Variants in RABL3 observed in about 807,000 individuals in gnomAD.
The protein encoded by RABL3 is RAB, member of RAS oncogene family like 3, also known as rab-like protein 3.
RABL3 carries 31 observed loss-of-function variants against 31.8 expected under a neutral mutation model. The ratio of observed to expected loss-of-function variants is 0.97; its 90% CI spans 0.73 to 1.31. The LOEUF (loss-of-function observed/expected upper bound fraction) is 1.31. Ranked by LOEUF, RABL3 falls within the 40% of genes most tolerant of loss-of-function variation. The pLI is 0.00. For synonymous variants in RABL3, 97 were observed against 99.9 expected (o/e 0.97, Z 0.18); for missense variants, 263 against 279.6 (o/e 0.94, Z 0.42).
chr3:120,716,555 T>G (rs1708671871), intron 2 of RABL3, among the ~76,000 whole-genome samples: 1 of 151,924 alleles, frequency 6.6e-6, no homozygotes, highest in Non-Finnish European at 1.5e-5. Flanking sequence ...ACATGGCACA[T>G]GTATACATAT....
intron 2 of RABL3, among the ~76,000 whole-genome samples, chr3:120,728,589 T>C (rs1708848387): frequency 6.6e-6 from 1 of 152,072 alleles, no homozygotes; most frequent in Non-Finnish European, 1.5e-5. Context: ...CATTAGGAGA[T>C]ATACCTAATG....
intron 2 of RABL3, among the ~76,000 whole-genome samples, chr3:120,718,572 T>C (rs527910461): frequency 1.3e-5 from 2 of 152,350 alleles, no homozygotes; most frequent in African/African-American, 2.4e-5. Flanking sequence ...AAGAGAATCA[T>C]CAAGATGCTT....
At chr3:120,717,377 C>T (rs1265827871) in intron 2 of RABL3, among the ~76,000 whole-genome samples, 1 of 151,574 alleles carries the variant, frequency 6.6e-6, no homozygotes, top group Non-Finnish European at 1.5e-5. Flanking sequence ...TCCACAATAA[C>T]ACAATTCAGG....
intron 2 of RABL3, among the ~76,000 whole-genome samples, chr3:120,712,713 T>C (rs1213880814): frequency 6.6e-6 from 1 of 152,234 alleles, no homozygotes; most frequent in Non-Finnish European, 1.5e-5. Flanking sequence ...ATTCATCCTT[T>C]AGCCCTAGAA....
At chr3:120,692,916 T>C (rs546884675) in intron 6 of RABL3, among the ~76,000 whole-genome samples, 1 of 152,306 alleles carries the variant, frequency 6.6e-6, no homozygotes, top group South Asian at 2.1e-4. Context: ...CAGAATTTTG[T>C]ATTGATGGGG....
At chr3:120,728,795 G>C (rs185037680) in intron 2 of RABL3, among the ~76,000 whole-genome samples, 2 of 151,988 alleles carry the variant, frequency 1.3e-5, no homozygotes, top group East Asian at 3.9e-4. Flanking sequence ...TTGAGACAGA[G>C]AGAAAGAGTA....
chr3:120,716,755 A>T (rs1204667340), intron 2 of RABL3, among the ~76,000 whole-genome samples: 2 of 152,220 alleles, frequency 1.3e-5, no homozygotes, highest in Non-Finnish European at 2.9e-5. Context: ...TAACTGCAAT[A>T]TAAAAGCTGC....
chr3:120,701,273 G>A (rs1400357961), intron 4 of RABL3, among the ~76,000 whole-genome samples: 1 of 152,098 alleles, frequency 6.6e-6, no homozygotes, highest in African/African-American at 2.4e-5. Context: ...ATGTGGATAT[G>A]CCATTATTTA....
intron 2 of RABL3, among the ~76,000 whole-genome samples, chr3:120,723,675 TA>T (rs1281652846): frequency 1.3e-5 from 2 of 152,172 alleles, no homozygotes. Context: ...ATCCAGCATA[TA>T]AACAGAACCA....
chr3:120,700,867 T>C (rs1371963130), intron 4 of RABL3, among the ~76,000 whole-genome samples: 2 of 152,078 alleles, frequency 1.3e-5, no homozygotes, highest in African/African-American at 2.4e-5. Flanking sequence ...TATTTACATA[T>C]GTTTAAAATT....
At chr3:120,706,459 C>A (rs968728015) in intron 3 of RABL3, among the ~76,000 whole-genome samples, 6 of 151,946 alleles carry the variant, frequency 3.9e-5, no homozygotes, top group African/African-American at 1.4e-4. Flanking sequence ...ATCAAAACTA[C>A]TTCAAGTACA....
rs149911241 is a variant in RABL3, at chr3:120,719,853, G to A, written c.139-9944C>T. Among the ~76,000 whole-genome samples the A allele has an allele frequency of 4.2e-4, 64 of 152,100 alleles. No individual in the cohort carries two copies. The East Asian group carries it at 0.011, about 27-fold the overall frequency. ...AAGAGAGTAGTGGTTCTCCCAGCATGCAGCTTGAGATCTGAGAATGGACAG... is the reference window on the plus strand; with the variant it reads ...AAGAGAGTAGTGGTTCTCCCAGCATACAGCTTGAGATCTGAGAATGGACAG... On this transcript the variant is annotated intron_variant, in intron 2 of 7. Transcript: ENST00000273375.
At chr3:120,698,118 C>T (rs541273293) in intron 5 of RABL3, among the ~76,000 whole-genome samples, 5 of 152,160 alleles carry the variant, frequency 3.3e-5, no homozygotes, top group Admixed American at 6.5e-5. Context: ...GAGCTGAGAA[C>T]GCGCCACTGC....
At chr3:120,723,361 C>A (rs567925602) in intron 2 of RABL3, among the ~76,000 whole-genome samples, 12 of 152,270 alleles carry the variant, frequency 7.9e-5, no homozygotes, top group African/African-American at 2.9e-4. Context: ...CCAAATTCCA[C>A]CAGAGGTACA....
chr3:120,717,392 A>G (rs1284426375), intron 2 of RABL3, among the ~76,000 whole-genome samples: 1 of 152,166 alleles, frequency 6.6e-6, no homozygotes, highest in Non-Finnish European at 1.5e-5. Context: ...TTCAGGTAAG[A>G]CTGTCTTTAA....
At chr3:120,732,451 G>T (rs183323508) in intron 1 of RABL3, among the ~76,000 whole-genome samples, 52 of 151,956 alleles carry the variant, frequency 3.4e-4, no homozygotes, top group African/African-American at 1.2e-3. Context: ...GATTTTTTTT[G>T]ATTGGATGTT....
chr3:120,689,350 A>G lies in RABL3; in HGVS notation c.*473T>C, dbSNP rs1708352335. 6.6e-6 allele frequency: 1 copy of G among 152,374 alleles called. No homozygotes were observed. Among genetic ancestry groups the G allele is most frequent in the Admixed American group, 6.5e-5 (1 of 15,298 alleles). 9.4% of individuals were successfully genotyped at this position (152,374 alleles called of 1,614,324 possible). Reference sequence around the variant, plus strand: ...ATAACACCATTTTGCATCTTTGAAAATGACAGAGATTGTTTGGGGTAGACA... The same window carrying G: ...ATAACACCATTTTGCATCTTTGAAAGTGACAGAGATTGTTTGGGGTAGACA... On this transcript the variant is annotated 3_prime_UTR_variant, in exon 8 of 8. Transcript: ENST00000273375.
chr3:120,718,284 A>C, intron 2 of RABL3, among the ~76,000 whole-genome samples: 1 of 152,208 alleles, frequency 6.6e-6, no homozygotes, highest in Non-Finnish European at 1.5e-5. Context: ...CTTGGAGTTC[A>C]GAAAATAGGA....
At chr3:120,709,730 T>A in intron 3 of RABL3, 50 bp downstream of exon 3, 1 of 1,379,934 alleles carries the variant, frequency 7.2e-7, no homozygotes, top group Non-Finnish European at 1.0e-6. Context: ...TATCAGATGA[T>A]CTATACTCTT....
Sources: gnomAD v4.1 joint callset for allele counts (sites outside exome capture counted in the v4.1 genomes callset) on GRCh38, gnomAD v4.1.1 for gene constraint, MANE v1.5 for transcripts, NCBI Gene and HGNC (gene_info 2026-07-23, HGNC 2026-07-21) for gene names.